The following ITGA9 variants were observed in gnomAD, a reference collection of about 807,000 sequenced individuals.
ITGA9 encodes the protein integrin alpha-9.
ITGA9 carries 56 observed loss-of-function variants against 127.8 expected under a neutral mutation model. The observed-to-expected ratio is 0.44, with a 90% CI of 0.35 to 0.55. The LOEUF (loss-of-function observed/expected upper bound fraction) is 0.55, where lower values mean the gene tolerates loss of function less well. ITGA9 is among the 20% of genes least tolerant of loss of function. The pLI is 0.00. For missense variants in ITGA9, 1,196 were observed against 1,347.1 expected (o/e 0.89, Z 1.76); for synonymous variants, 508 against 514.5 (o/e 0.99, Z 0.17).
chr3:37,706,096 G>T (rs149252133), intron 18 of ITGA9, among the ~76,000 whole-genome samples: 84 of 152,306 alleles, frequency 5.5e-4, no homozygotes, highest in African/African-American at 1.8e-3. Context: ...AATGAAACCA[G>T]AGGAAGTTTG....
intron 27 of ITGA9, among the ~76,000 whole-genome samples, chr3:37,813,792 CTTA>C (rs1349799946): frequency 3.3e-5 from 5 of 152,164 alleles, no homozygotes; most frequent in African/African-American, 9.7e-5. Context: ...AATTCTGACA[CTTA>C]TTATAAGACA....
At chr3:37,523,284 A>G (rs1238978275) in intron 11 of ITGA9, among the ~76,000 whole-genome samples, 3 of 152,260 alleles carry the variant, frequency 2.0e-5, no homozygotes, top group Non-Finnish European at 4.4e-5. Context: ...TTTCATTAAC[A>G]CAGAACTTAG....
chr3:37,786,905 G>A (rs1427282868), intron 26 of ITGA9, among the ~76,000 whole-genome samples: 3 of 152,192 alleles, frequency 2.0e-5, no homozygotes, highest in African/African-American at 7.2e-5. Context: ...GGAGTGCACT[G>A]GTGCAATCAT....
chr3:37,673,377 A>G (rs916290721), intron 17 of ITGA9, among the ~76,000 whole-genome samples: 1 of 152,196 alleles, frequency 6.6e-6, no homozygotes, highest in African/African-American at 2.4e-5. Context: ...GCTCCCTTGC[A>G]GATAAGCTTC....
intron 15 of ITGA9, among the ~76,000 whole-genome samples, chr3:37,575,070 T>C (rs1699640027): frequency 2.0e-5 from 3 of 152,142 alleles, no homozygotes; most frequent in Non-Finnish European, 4.4e-5. Flanking sequence ...CAGTGTTTGA[T>C]GATAAAATGG....
intron 17 of ITGA9, among the ~76,000 whole-genome samples, chr3:37,679,293 A>G (rs1700712332): frequency 6.6e-6 from 1 of 152,120 alleles, no homozygotes; most frequent in Admixed American, 6.5e-5. Flanking sequence ...GCACCCCTGG[A>G]ATGTTTAGCA....
chr3:37,654,190 C>CACACACACACACACA (rs1700455091), intron 17 of ITGA9, among the ~76,000 whole-genome samples: 1 of 146,304 alleles, frequency 6.8e-6, no homozygotes, highest in African/African-American at 2.5e-5. Flanking sequence ...CCTCCTGCCT[C>CACACACACACACACA]CACACACACA....
chr3:37,784,871 T>A (rs1312836538), intron 25 of ITGA9, 106 bp from the exon 26 acceptor site: 1 of 925,184 alleles, frequency 1.1e-6, no homozygotes, highest in Non-Finnish European at 1.7e-6. Context: ...AAAATTTTTG[T>A]CTGGGCTACA....
chr3:37,453,912 C>G (rs766936881), intron 1 of ITGA9, among the ~76,000 whole-genome samples: 12 of 152,352 alleles, frequency 7.9e-5, no homozygotes, highest in Non-Finnish European at 1.5e-4. Flanking sequence ...CTCCCTCTCT[C>G]ACTTACTCCA....
intron 26 of ITGA9, among the ~76,000 whole-genome samples, chr3:37,793,018 G>A (rs1697129913): frequency 6.6e-6 from 1 of 152,060 alleles, no homozygotes; most frequent in African/African-American, 2.4e-5. Flanking sequence ...CCAAGGAGAT[G>A]AACCACATGA....
At chr3:37,505,962 T>A (rs1226834438) in intron 6 of ITGA9, 38 bp from the exon 7 acceptor site, 2 of 1,443,190 alleles carry the variant, frequency 1.4e-6, no homozygotes, top group South Asian at 2.4e-5. Context: ...TTCCCTTCTT[T>A]TTCAACCGTG....
intron 27 of ITGA9, among the ~76,000 whole-genome samples, chr3:37,812,361 C>T (rs1697378175): frequency 6.6e-6 from 1 of 152,180 alleles, no homozygotes; most frequent in Admixed American, 6.5e-5. Flanking sequence ...AGGAAGCAAC[C>T]CAAAGGCCGC....
chr3:37,688,537 A>G (rs1245778116), intron 18 of ITGA9, among the ~76,000 whole-genome samples: 1 of 152,188 alleles, frequency 6.6e-6, no homozygotes. Flanking sequence ...CACTTTCTTC[A>G]GGAAGGAGTT....
intron 18 of ITGA9, among the ~76,000 whole-genome samples, chr3:37,704,536 G>C (rs1038765978): frequency 6.6e-6 from 1 of 152,194 alleles, no homozygotes; most frequent in African/African-American, 2.4e-5. Flanking sequence ...TGGAAGTAGA[G>C]TATGATGTGA....
intron 15 of ITGA9, among the ~76,000 whole-genome samples, chr3:37,601,258 T>G (rs549804403): frequency 6.6e-6 from 1 of 152,346 alleles, no homozygotes; most frequent in South Asian, 2.1e-4. Context: ...CGTGACATCT[T>G]TGCTGAACAG....
chr3:37,615,697 G>T (rs1480004024), intron 15 of ITGA9, among the ~76,000 whole-genome samples: 1 of 152,150 alleles, frequency 6.6e-6, no homozygotes, highest in Non-Finnish European at 1.5e-5. Flanking sequence ...AGTCTTGGGA[G>T]GGTGTATGTG....
intron 15 of ITGA9, among the ~76,000 whole-genome samples, chr3:37,586,282 C>A (rs1335626974): frequency 6.6e-6 from 1 of 152,196 alleles, no homozygotes; most frequent in Non-Finnish European, 1.5e-5. Flanking sequence ...TTAGCCCACC[C>A]TTTGAGAACC....
intron 18 of ITGA9, among the ~76,000 whole-genome samples, chr3:37,726,755 A>G (rs1386536909): frequency 4.6e-5 from 7 of 152,338 alleles, no homozygotes; most frequent in Middle Eastern, 3.4e-3. Flanking sequence ...CATTTAATAA[A>G]TGCAGACTCA....
At chr3:37,475,946 T>G (rs1205022073) in intron 3 of ITGA9, among the ~76,000 whole-genome samples, 1 of 152,260 alleles carries the variant, frequency 6.6e-6, no homozygotes, top group Non-Finnish European at 1.5e-5. Flanking sequence ...TGGAGTGTGG[T>G]GTTCGTCCTT....
Sources: allele counts gnomAD v4.1 joint callset (sites outside exome capture counted in the v4.1 genomes callset), GRCh38; gene constraint gnomAD v4.1.1; transcripts MANE v1.5; gene names NCBI Gene and HGNC (gene_info 2026-07-23, HGNC 2026-07-21).